The following LAMA3 variants were observed in gnomAD, a reference collection of about 807,000 sequenced individuals.
LAMA3 encodes the protein laminin subunit alpha 3.
LAMA3 carries 281 observed loss-of-function variants against 402.0 expected under a neutral mutation model. That is an observed-to-expected ratio of 0.70 (90% CI 0.63 to 0.77). The LOEUF is 0.77. LAMA3 is among the 30% of genes least tolerant of loss of function. The probability of loss-of-function intolerance (pLI) is 0.00; values close to 1 mark genes in which losing one functional copy is unlikely to be tolerated. For missense variants in LAMA3, 3,840 were observed against 4,215.5 expected, an observed-to-expected ratio of 0.91 and a Z score of 2.47; for synonymous variants, 1,431 against 1,558.4, an observed-to-expected ratio of 0.92 and a Z score of 1.93.
In LAMA3 at chr18:23,953,014, A is replaced by G. The variant is rs752734057; in HGVS notation, c.9761A>G (p.His3254Arg). The change falls in exon 74 of 75, where the codon CAC (histidine) becomes CGC (arginine). Residue 3254 changes from histidine (H) to arginine (R), a missense_variant. His to Arg is a conservative substitution (Grantham distance 29, BLOSUM62 0). This residue lies in a region of LAMA3 where 840 missense variants were observed against 981.9 expected (regional missense o/e 0.86). Coordinates refer to ENST00000313654, the MANE Select transcript of LAMA3 (RefSeq NM_198129.4). ...VAVTIKQHIL[H>R]LELDTDSSYT... The stretch of plus-strand genomic sequence containing the variant: ...GTCACCATAAAACAACACATCCTGC[A>G]CCTGGAACTGGACACAGACAGTAGC... 3.1e-6 allele frequency: 5 copies of G among 1,614,090 alleles called. No individual in the cohort carries two copies. In the South Asian group the frequency reaches 5.5e-5, roughly 18 times the overall value.
intron 70 of LAMA3, among the ~76,000 whole-genome samples, chr18:23,948,420 C>T (rs1486148691): frequency 2.0e-5 from 3 of 152,148 alleles, no homozygotes; most frequent in African/African-American, 7.2e-5. Flanking sequence ...GGTTCTGGCC[C>T]ATCCTGGGGA....
intron 32 of LAMA3, among the ~76,000 whole-genome samples, chr18:23,852,748 A>G (rs1017361421): frequency 4.6e-5 from 7 of 152,164 alleles, no homozygotes; most frequent in African/African-American, 1.7e-4. Context: ...ATAAAGACCA[A>G]CTTTCCGTGA....
At chr18:23,777,088 C>T (rs1313585470) in intron 10 of LAMA3, among the ~76,000 whole-genome samples, 1 of 152,054 alleles carries the variant, frequency 6.6e-6, no homozygotes, top group East Asian at 1.9e-4. Context: ...TATCTGCCTG[C>T]CTCAGCTTCA....
rs533124575 is a variant in LAMA3 at position 23,817,947 on chromosome 18, A to G, written c.2147+1460A>G. Among the ~76,000 whole-genome samples, 156 of 152,238 alleles carry G rather than the reference A, an allele frequency of 1.0e-3. 2 individuals are homozygous for G. The highest frequency in any genetic ancestry group is 1.9e-3 in the Admixed American group (29 of 15,292). On this transcript the variant is annotated intron_variant, in intron 18 of 74. Transcript: ENST00000313654. Reference sequence around the variant, plus strand: ...GGTGGGCGGATCACCTGAGGTCAGGAGTTCAAGACCAGCCTGGCCAACATG... The same window carrying G: ...GGTGGGCGGATCACCTGAGGTCAGGGGTTCAAGACCAGCCTGGCCAACATG...
chr18:23,814,188 A>C (rs188786347), intron 14 of LAMA3, among the ~76,000 whole-genome samples: 3 of 152,362 alleles, frequency 2.0e-5, no homozygotes, highest in African/African-American at 7.2e-5. Flanking sequence ...TTTTAACCAC[A>C]AATGCGGATT....
At position 23,845,051 on chromosome 18, in the gene LAMA3, A is replaced by G; in HGVS notation, c.3646A>G (p.Ile1216Val). 1.2e-6 allele frequency: 2 copies of G among 1,613,242 alleles called. No individual in the cohort carries two copies. The highest frequency in any genetic ancestry group is 1.7e-6 in the Non-Finnish European group (2 of 1,179,180). ...GCCTGCAGAAAACTATGACTACCAA[A>G]TACTTCACAAAAAATCCATGGACAA... ...VVPAENYDYQ[I>V]LHKKSMDKSL... is the part of the protein sequence containing the mutation. The change falls in exon 30 of 75, where the codon ATA becomes GTA. Residue 1216 changes from isoleucine to valine, a missense_variant. By Grantham distance (29) the Ile-to-Val change is conservative. Coordinates refer to ENST00000313654, the MANE Select transcript of LAMA3 (RefSeq NM_198129.4).
chr18:23,891,797 G>A (rs556256950), intron 42 of LAMA3, among the ~76,000 whole-genome samples: 4 of 152,178 alleles, frequency 2.6e-5, no homozygotes, highest in African/African-American at 7.2e-5. Context: ...AAGATAGCTC[G>A]TACTGTCTTC....
At chr18:23,904,207 G>A in intron 50 of LAMA3, 120 bp downstream of exon 50, 1 of 1,175,510 alleles carries the variant, frequency 8.5e-7, no homozygotes, top group Admixed American at 1.8e-5. Flanking sequence ...GAGGGCGGAG[G>A]GTGGGGTCAA....
chr18:23,814,468 G>T lies in LAMA3; in HGVS notation c.1854G>T (p.Trp618Cys). 6.2e-7 allele frequency: 1 copy of T among 1,613,846 alleles called. No individual in the cohort carries two copies. ...PTCSRCKLLYWNLDKENPSGC... is the reference protein window; with the variant it reads ...PTCSRCKLLYCNLDKENPSGC... ...GTAGCCGCTGCAAACTGTTATATTG[G>T]AATCTGGACAAAGAAAACCCCAGTG... The change falls in exon 15 of 75, where the codon TGG (tryptophan) becomes TGT (cysteine). Residue 618 changes from tryptophan (W) to cysteine (C), a missense_variant. Trp to Cys is a radical substitution (Grantham distance 215). Coordinates refer to ENST00000313654, the MANE Select transcript of LAMA3 (RefSeq NM_198129.4).
Position 23,882,099 on chromosome 18 carries a change from C to A in LAMA3, c.5222+54C>A. Reference sequence around the variant, plus strand: ...GGGACCCAAAGTCGTTTGGTGGCTGCCTAGGACTAGGGGTGGGAGAGCAGG... The same window carrying A: ...GGGACCCAAAGTCGTTTGGTGGCTGACTAGGACTAGGGGTGGGAGAGCAGG... On this transcript the variant is annotated intron_variant, in intron 40 of 74. Transcript: ENST00000313654. 3 of 1,183,440 alleles carry A rather than the reference C, an allele frequency of 2.5e-6. No homozygotes were observed. The South Asian group carries it at 3.7e-5, about 15-fold the overall frequency. The allele number at this position is 1,183,440 out of a possible 1,614,324, so 73.3% of individuals were successfully genotyped here.
At chr18:23,700,379 G>A (rs2060770056) in intron 1 of LAMA3, among the ~76,000 whole-genome samples, 1 of 152,128 alleles carries the variant, frequency 6.6e-6, no homozygotes, top group Admixed American at 6.5e-5. Context: ...GGATTGCATG[G>A]AAACCGTTGA....
chr18:23,867,474 G>A (rs916875498), intron 36 of LAMA3, among the ~76,000 whole-genome samples: 5 of 150,108 alleles, frequency 3.3e-5, no homozygotes, highest in East Asian at 2.0e-4. Context: ...GCTTGAACCC[G>A]GATGCCAGAG....
intron 32 of LAMA3, among the ~76,000 whole-genome samples, chr18:23,852,129 G>T (rs1362109757): frequency 1.3e-5 from 2 of 152,168 alleles, no homozygotes. Flanking sequence ...GCCTGGTTAA[G>T]TCCTTTTACC....
At position 23,847,818 on chromosome 18, in the gene LAMA3, C is replaced by T. The variant is rs903330852; in HGVS notation, c.4136+150C>T. ...TGAGCTTCCCAGACAGGATGGGTTG[C>T]AGTGGGTGGAGTGATTGGTCCCTTA... is the stretch of plus-strand genomic sequence containing the variant. On this transcript the variant is annotated intron_variant, in intron 32 of 74. Coordinates refer to ENST00000313654, the MANE Select transcript of LAMA3 (RefSeq NM_198129.4). The T allele has an allele frequency of 5.5e-5, 43 of 775,618 alleles. 1 individual carries two copies. The highest frequency in any genetic ancestry group is 2.6e-4 in the South Asian group (16 of 61,456). 48.0% of individuals were successfully genotyped at this position (775,618 alleles called of 1,614,324 possible). A position where few individuals can be genotyped will look rare whatever the true frequency, so the allele number is the denominator to read the frequency against.
Position 23,788,256 on chromosome 18 carries a change from A to T in LAMA3, c.1603+4099A>T, listed in dbSNP as rs192761898. On this transcript the variant is annotated intron_variant, in intron 12 of 74. Coordinates refer to ENST00000313654, the MANE Select transcript of LAMA3 (RefSeq NM_198129.4). ...TTGCTGGATTTTAATATAGAGAGAC[A>T]TAATATGTATAATAACAATAGTACA... Among the ~76,000 whole-genome samples, 141 of 152,102 alleles carry T rather than the reference A, an allele frequency of 9.3e-4. 1 individual carries two copies. Among genetic ancestry groups the T allele is most frequent in the Non-Finnish European group, 1.4e-3 (95 of 67,890 alleles).
intron 18 of LAMA3, among the ~76,000 whole-genome samples, chr18:23,816,799 A>G (rs922215140): frequency 7.2e-5 from 11 of 152,184 alleles, no homozygotes; most frequent in African/African-American, 1.9e-4. Flanking sequence ...CTCAACTTCC[A>G]TGTGCAAGTT....
chr18:23,925,367 C>CA (rs1404990486), intron 62 of LAMA3, among the ~76,000 whole-genome samples: 1 of 152,174 alleles, frequency 6.6e-6, no homozygotes, highest in Non-Finnish European at 1.5e-5. Context: ...ATCTCCTACC[C>CA]AGGAGAAGAG....
chr18:23,782,775 T>A (rs2062461844), intron 11 of LAMA3, among the ~76,000 whole-genome samples: 1 of 150,670 alleles, frequency 6.6e-6, no homozygotes, highest in South Asian at 2.1e-4. Flanking sequence ...TTGGGGAAGT[T>A]AATTAACCTT....
chr18:23,846,930 T>G (rs1039499816), intron 31 of LAMA3, among the ~76,000 whole-genome samples: 3 of 152,172 alleles, frequency 2.0e-5, no homozygotes, highest in Non-Finnish European at 2.9e-5. Context: ...GCAGTGCTAC[T>G]CACTGAATGA....
Sources: allele counts gnomAD v4.1 joint callset (sites outside exome capture counted in the v4.1 genomes callset), GRCh38; gene constraint gnomAD v4.1.1; regional missense constraint gnomAD v4.1.1; transcripts MANE v1.5; gene names NCBI Gene and HGNC (gene_info 2026-07-23, HGNC 2026-07-21).